THOC1: variants seen among roughly 807,000 people sequenced by gnomAD.
The protein encoded by THOC1 is THO complex 1.
A neutral mutation model predicts 97.3 loss-of-function variants in THOC1; 29 were observed. The ratio of observed to expected loss-of-function variants is 0.30; its 90% CI spans 0.22 to 0.41. The LOEUF (loss-of-function observed/expected upper bound fraction) is 0.41, where lower values mean the gene tolerates loss of function less well. Ranked by LOEUF, THOC1 falls within the 10% of genes least tolerant of loss-of-function variation. The probability of loss-of-function intolerance (pLI) is 1.00; values close to 1 mark genes in which losing one functional copy is unlikely to be tolerated. For synonymous variants in THOC1, 255 were observed against 257.0 expected, an observed-to-expected ratio of 0.99 and a Z score of 0.07; for missense variants, 529 against 761.9, an observed-to-expected ratio of 0.69 and a Z score of 3.60.
chr18:254,036 G>A lies in THOC1; in HGVS notation c.603+237C>T, dbSNP rs745974370. Among the ~76,000 whole-genome samples, 7 of 151,334 alleles carry A rather than the reference G, an allele frequency of 4.6e-5. No individual in the cohort carries two copies. The highest frequency in any genetic ancestry group is 2.0e-4 in the East Asian group (1 of 5,120). The stretch of plus-strand genomic sequence containing the variant: ...GGCGATTCTCCCACCTCAGCCTCTC[G>A]AGTAGCTGGGACCACAGGCGTGCAC... On this transcript the variant is annotated intron_variant, in intron 8 of 20. Transcript: ENST00000261600. The surrounding 1 kb of genome is among the most constrained non-coding windows in gnomAD (Gnocchi z 4.1).
At chr18:255,755 A>G (rs1912417694) in intron 7 of THOC1, among the ~76,000 whole-genome samples, 1 of 152,242 alleles carries the variant, frequency 6.6e-6, no homozygotes, top group Admixed American at 6.5e-5. Flanking sequence ...ATAGCTAGAG[A>G]GAAGTCACTG....
intron 3 of THOC1, 53 bp downstream of exon 3, chr18:265,250 A>G: frequency 7.0e-7 from 1 of 1,430,946 alleles, no homozygotes; most frequent in Non-Finnish European, 9.5e-7. Flanking sequence ...TTTTTAAATA[A>G]CATGGTTTAT....
chr18:215,604 A>G (rs1910852478), intron 19 of THOC1, 100 bp from the exon 20 acceptor site: 2 of 920,398 alleles, frequency 2.2e-6, no homozygotes, highest in Non-Finnish European at 3.4e-6. Flanking sequence ...TTCCAAGTAC[A>G]GGGTGCCAGA....
At chr18:260,835 G>T (rs187780042) in intron 4 of THOC1, 3 of 152,228 alleles carry the variant, frequency 2.0e-5, no homozygotes, top group Non-Finnish European at 1.5e-5. Flanking sequence ...AAATGCTTAT[G>T]ATATAATGCT....
At position 214,657 on chromosome 18, in the gene THOC1, C is replaced by CTT; in HGVS notation, c.1941_1942dup (p.Ser648LysfsTer3). On this transcript the variant is annotated frameshift_variant, in exon 21 of 21. Coordinates refer to ENST00000261600, the MANE Select transcript of THOC1 (RefSeq NM_005131.3). LOFTEE classifies it high-confidence loss of function. ...ATTTGTCTCATTGTCATTAGTTAGA[C>CTT]TTTCTGCAAGGTCACTTAATCCAGA... The CTT allele has an allele frequency of 6.2e-7, 1 of 1,613,434 alleles. No individual in the cohort carries two copies. The highest frequency in any genetic ancestry group is 8.5e-7 in the Non-Finnish European group (1 of 1,179,586).
At position 224,120 on chromosome 18, in the gene THOC1, AG is replaced by A; in HGVS notation, c.1267del (p.Leu423Ter). 1 of 1,611,444 alleles carries A rather than the reference AG, an allele frequency of 6.2e-7. No individual in the cohort carries two copies. The highest frequency in any genetic ancestry group is 1.3e-5 in the African/African-American group (1 of 75,022). On this transcript the variant is annotated frameshift_variant, in exon 16 of 21. Coordinates refer to ENST00000261600, the MANE Select transcript of THOC1 (RefSeq NM_005131.3). LOFTEE classifies it high-confidence loss of function. Reference sequence around the variant, plus strand: ...AATTTTTTTGGTGGGTCCTTTCCCTAGGAAGTCCTCGGGTGCTGTTCTCTTC... The same window carrying A: ...AATTTTTTTGGTGGGTCCTTTCCCTAGAAGTCCTCGGGTGCTGTTCTCTTC... ...IRKRTAPEDF[L>X]GKGPTKKILM...
At chr18:239,149 A>G (rs1911810051) in intron 11 of THOC1, among the ~76,000 whole-genome samples, 1 of 152,218 alleles carries the variant, frequency 6.6e-6, no homozygotes, top group Non-Finnish European at 1.5e-5. Flanking sequence ...CTCAGACAAT[A>G]CTGAAAATTA....
chr18:262,976 G>A (rs991200298), intron 4 of THOC1, among the ~76,000 whole-genome samples: 2 of 152,128 alleles, frequency 1.3e-5, no homozygotes, highest in East Asian at 1.9e-4. Context: ...TGTACTATGT[G>A]CATTGTTTAC....
At chr18:237,341 G>A (rs1365444052) in intron 11 of THOC1, among the ~76,000 whole-genome samples, 1 of 152,004 alleles carries the variant, frequency 6.6e-6, no homozygotes, top group Non-Finnish European at 1.5e-5. Flanking sequence ...ATTTTTAGTA[G>A]AGATGGGGTT....
intron 17 of THOC1, among the ~76,000 whole-genome samples, chr18:219,681 A>G (rs921624925): frequency 6.6e-6 from 1 of 152,152 alleles, no homozygotes; most frequent in African/African-American, 2.4e-5. Flanking sequence ...ATATAATATT[A>G]TATACTTTAA....
chr18:220,184 A>C (rs2143146785), intron 17 of THOC1, among the ~76,000 whole-genome samples: 1 of 152,330 alleles, frequency 6.6e-6, no homozygotes, highest in Non-Finnish European at 1.5e-5. Context: ...TTAAATGAAC[A>C]TTCTTGCACC....
intron 11 of THOC1, 198 bp downstream of exon 11, chr18:246,126 C>T (rs1243474817): frequency 3.1e-5 from 14 of 449,904 alleles, no homozygotes; most frequent in Non-Finnish European, 4.3e-5. Flanking sequence ...TGTAGAACTA[C>T]TTTCACCTTT....
rs541898579 is a variant in THOC1 at position 214,827 on chromosome 18, G to A, written c.1773C>T (p.Tyr591=). The change falls in exon 21 of 21, where the codon TAC becomes TAT. Residue 591 remains tyrosine (Y), a synonymous_variant. Transcript: ENST00000261600. Reference sequence around the variant, plus strand: ...TAATTTCTGAGTCTTTCATTTCCAAGTAGGGAGCCAGAATCTTCCATTGTT... The same window carrying A: ...TAATTTCTGAGTCTTTCATTTCCAAATAGGGAGCCAGAATCTTCCATTGTT... ...LGEQWKILAP[Y]LEMKDSEIRQ... is the part of the protein sequence containing the mutation. 53 of 1,613,874 alleles carry A rather than the reference G, an allele frequency of 3.3e-5. No individual in the cohort carries two copies. In the African/African-American group the frequency reaches 6.7e-4, roughly 20 times the overall value.
intron 11 of THOC1, among the ~76,000 whole-genome samples, chr18:229,130 C>T (rs1348599319): frequency 6.6e-6 from 1 of 152,186 alleles, no homozygotes; most frequent in Non-Finnish European, 1.5e-5. Context: ...GGTATTCCAT[C>T]TGGATTACCT....
Position 242,866 on chromosome 18 carries a change from A to C in THOC1, c.918+3458T>G, listed in dbSNP as rs1446187403. ...GAATCCTAGTATCAAAACACCATGT[A>C]AGGTACAGAGATGCTGGAAGGCTTC... On this transcript the variant is annotated intron_variant, in intron 11 of 20. Coordinates refer to ENST00000261600, the MANE Select transcript of THOC1 (RefSeq NM_005131.3). This position sits in a 1 kb window ranked among gnomAD's most constrained non-coding sequence, Gnocchi z 4.5. Among the ~76,000 whole-genome samples, 1 of 152,228 alleles carries C rather than the reference A, an allele frequency of 6.6e-6. No homozygotes were observed.
chr18:255,726 G>A (rs1436328399), intron 7 of THOC1, among the ~76,000 whole-genome samples: 1 of 152,236 alleles, frequency 6.6e-6, no homozygotes, highest in Non-Finnish European at 1.5e-5. Context: ...GATATTGGAA[G>A]ATGCTGTTTA....
Position 214,766 on chromosome 18 carries a change from T to C in THOC1, c.1834A>G (p.Arg612Gly), listed in dbSNP as rs1223116538. 5.0e-6 allele frequency: 8 copies of C among 1,613,880 alleles called. No individual in the cohort carries two copies. Residue 612 changes from arginine (R) to glycine (G), a missense_variant, in exon 21 of 21, where the codon AGA becomes GGA. Coordinates refer to ENST00000261600, the MANE Select transcript of THOC1 (RefSeq NM_005131.3). ...CAGGCAACCAGGAGCTGCTTAGCTC[T>C]CATCTTCATGTCTTCACTGTCACAC... ...IECDSEDMKM[R>G]AKQLLVAWQD...
intron 7 of THOC1, among the ~76,000 whole-genome samples, chr18:257,898 T>C (rs963214187): frequency 2.0e-5 from 3 of 151,794 alleles, no homozygotes; most frequent in Non-Finnish European, 4.4e-5. Flanking sequence ...ATAATGGATG[T>C]TTAATTGAAG....
At chr18:263,897 T>C in intron 4 of THOC1, 129 bp downstream of exon 4, 3 of 670,798 alleles carry the variant, frequency 4.5e-6, no homozygotes, top group Non-Finnish European at 7.6e-6. Flanking sequence ...TTGGCAAAGT[T>C]GGGAGTCAGG....
Sources: gnomAD v4.1 joint callset for allele counts (sites outside exome capture counted in the v4.1 genomes callset) on GRCh38, gnomAD v4.1.1 for gene constraint, Gnocchi (gnomAD v3.1) non-coding constraint, MANE v1.5 for transcripts, NCBI Gene and HGNC (gene_info 2026-07-23, HGNC 2026-07-21) for gene names.